ZHX3: variants seen among roughly 807,000 people sequenced by gnomAD.
ZHX3 encodes the protein zinc fingers and homeoboxes protein 3.
In ZHX3, 20 loss-of-function variants were observed where a neutral mutation model predicts 64.5. That is an observed-to-expected ratio of 0.31 (90% CI 0.22 to 0.45). The LOEUF is 0.45. Ranked by LOEUF, ZHX3 falls within the 20% of genes least tolerant of loss-of-function variation. The pLI is 1.00. For synonymous variants in ZHX3, 423 were observed against 461.6 expected, an observed-to-expected ratio of 0.92 and a Z score of 1.07; for missense variants, 1,041 against 1,195.8, an observed-to-expected ratio of 0.87 and a Z score of 1.91.
At chr20:41,285,646 C>A (rs570315675) in intron 1 of ZHX3, among the ~76,000 whole-genome samples, 5 of 152,244 alleles carry the variant, frequency 3.3e-5, no homozygotes, top group African/African-American at 1.2e-4. Flanking sequence ...GTAATCAAAA[C>A]TGGGTAGAAG....
At chr20:41,208,014 C>T (rs941611706) in intron 2 of ZHX3, among the ~76,000 whole-genome samples, 1 of 152,156 alleles carries the variant, frequency 6.6e-6, no homozygotes, top group African/African-American at 2.4e-5. Context: ...GGGGATATCA[C>T]CACCGATCCC....
rs1474200999 is a variant in ZHX3, at chr20:41,212,892, C to T, written c.-150-7826G>A. Among the ~76,000 whole-genome samples the T allele has an allele frequency of 6.6e-6, 1 of 151,890 alleles. No homozygotes were observed. The highest frequency in any genetic ancestry group is 1.9e-4 in the East Asian group (1 of 5,184). On this transcript the variant is annotated intron_variant, in intron 2 of 3. Transcript: ENST00000683867. The surrounding 1 kb of genome is among the most constrained non-coding windows in gnomAD (Gnocchi z 4.3). ...TACACAGTATAAATAAAAACATGTCCACCCCAAAATATGTACACAAATGTT... is the reference window on the plus strand; with the variant it reads ...TACACAGTATAAATAAAAACATGTCTACCCCAAAATATGTACACAAATGTT...
rs767257062 is a variant in ZHX3 at position 41,202,109 on chromosome 20, C to T, written c.2808G>A (p.Glu936=). 17 of 1,613,586 alleles carry T rather than the reference C, an allele frequency of 1.1e-5. No individual in the cohort carries two copies. Among genetic ancestry groups the T allele is most frequent in the Admixed American group, 8.3e-5 (5 of 59,970 alleles). The change falls in exon 3 of 4, where the codon GAG becomes GAA. Residue 936 remains glutamate, a synonymous_variant. Transcript: ENST00000683867. This position sits in a 1 kb window ranked among gnomAD's most constrained non-coding sequence, Gnocchi z 7.0. The part of the protein sequence containing the change: ...NSESWEPRVP[E]ASSEPFDTSS... ...ATGTGTCAAAGGGCTCTGAGCTGGC[C>T]TCAGGGACACGGGGCTCCCACGACT...
chr20:41,303,582 T>C (rs2044888098), intron 1 of ZHX3, among the ~76,000 whole-genome samples: 1 of 152,180 alleles, frequency 6.6e-6, no homozygotes, highest in African/African-American at 2.4e-5. Context: ...TTCTATAGAC[T>C]TCTCTGTATC....
At chr20:41,236,773 G>A (rs1018252546) in intron 2 of ZHX3, among the ~76,000 whole-genome samples, 7 of 152,088 alleles carry the variant, frequency 4.6e-5, no homozygotes, top group Non-Finnish European at 8.8e-5. Context: ...TGACAAATGG[G>A]ATCTAATTGA....
At chr20:41,271,316 C>G (rs1240512589) in intron 1 of ZHX3, among the ~76,000 whole-genome samples, 2 of 152,208 alleles carry the variant, frequency 1.3e-5, no homozygotes, top group Non-Finnish European at 2.9e-5. Flanking sequence ...CCATGCCCAG[C>G]CTACAAAAGT....
chr20:41,300,018 G>A (rs1370026123), intron 1 of ZHX3: 2 of 152,102 alleles, frequency 1.3e-5, no homozygotes, highest in African/African-American at 4.8e-5. Flanking sequence ...TCACCACAAT[G>A]AGTTGGGTAG....
intron 2 of ZHX3, among the ~76,000 whole-genome samples, chr20:41,256,794 C>T (rs2042276419): frequency 6.6e-6 from 1 of 151,782 alleles, no homozygotes; most frequent in Non-Finnish European, 1.5e-5. Flanking sequence ...CACCATTCTT[C>T]ATCTAAACAT....
At chr20:41,196,697 G>C (rs2037732866) in intron 3 of ZHX3, 1 of 178,288 alleles carries the variant, frequency 5.6e-6, no homozygotes, top group East Asian at 1.2e-4. Context: ...AGGTGAAGAA[G>C]GAAGCTCTTG....
chr20:41,303,343 T>C (rs1346602648), intron 1 of ZHX3, among the ~76,000 whole-genome samples: 3 of 152,256 alleles, frequency 2.0e-5, no homozygotes. Flanking sequence ...AAAAGGCAGA[T>C]TGTGGAGGTC....
chr20:41,193,791 C>G (rs2037254877), intron 3 of ZHX3, among the ~76,000 whole-genome samples: 1 of 151,292 alleles, frequency 6.6e-6, no homozygotes, highest in Admixed American at 6.6e-5. Flanking sequence ...ACTGCAAGCT[C>G]TGCCTGCCAG....
intron 1 of ZHX3, among the ~76,000 whole-genome samples, chr20:41,294,742 T>C (rs373659589): frequency 5.3e-5 from 8 of 152,300 alleles, no homozygotes; most frequent in African/African-American, 1.9e-4. Flanking sequence ...GGAGTCTTGC[T>C]CTGTTGCCTA....
intron 1 of ZHX3, among the ~76,000 whole-genome samples, chr20:41,313,083 T>C (rs920156204): frequency 2.0e-5 from 3 of 152,144 alleles, no homozygotes; most frequent in South Asian, 2.1e-4. Flanking sequence ...ATGGGTTGCA[T>C]GTGGAGTGAG....
At chr20:41,230,311 T>G (rs1176889901) in intron 2 of ZHX3, among the ~76,000 whole-genome samples, 1 of 152,088 alleles carries the variant, frequency 6.6e-6, no homozygotes, top group Admixed American at 6.5e-5. Context: ...CCGGGCAGTG[T>G]GGAGAGCAAC....
chr20:41,242,839 C>A (rs1185822892), intron 2 of ZHX3, among the ~76,000 whole-genome samples: 2 of 152,014 alleles, frequency 1.3e-5, no homozygotes, highest in Non-Finnish European at 2.9e-5. Context: ...TTTTTATAAC[C>A]CTATCCCTAA....
At chr20:41,259,980 A>G (rs1459764860) in intron 2 of ZHX3, among the ~76,000 whole-genome samples, 1 of 152,222 alleles carries the variant, frequency 6.6e-6, no homozygotes, top group Admixed American at 6.5e-5. Flanking sequence ...AACCAAACTG[A>G]TAAGAATTTT....
At chr20:41,279,913 G>T (rs2043587846) in intron 1 of ZHX3, among the ~76,000 whole-genome samples, 1 of 152,176 alleles carries the variant, frequency 6.6e-6, no homozygotes, top group African/African-American at 2.4e-5. Flanking sequence ...GTAGAAGTGA[G>T]CCCAGGACTG....
chr20:41,220,235 GT>G (rs771674998), intron 2 of ZHX3, among the ~76,000 whole-genome samples: 162 of 152,220 alleles, frequency 1.1e-3, no homozygotes, highest in Non-Finnish European at 2.1e-3. Flanking sequence ...CATAGAGGAG[GT>G]TGCTTTTGGA....
Position 41,195,478 on chromosome 20 carries a change from C to T in ZHX3, c.2860+6579G>A, listed in dbSNP as rs1276954943. Among the ~76,000 whole-genome samples, 1 of 152,104 alleles carries T rather than the reference C, an allele frequency of 6.6e-6. No individual in the cohort carries two copies. Among genetic ancestry groups the T allele is most frequent in the Non-Finnish European group, 1.5e-5 (1 of 68,010 alleles). On this transcript the variant is annotated intron_variant, in intron 3 of 3. Coordinates refer to ENST00000683867, the MANE Select transcript of ZHX3 (RefSeq NM_001384317.1). The surrounding 1 kb of genome is among the most constrained non-coding windows in gnomAD (Gnocchi z 4.2). ...TTGCCCAGGCTGGAGTGCAATGGTG[C>T]GGTCTCAGTTCACTGCAACCTCTGC...
Sources: gnomAD v4.1 joint callset for allele counts (sites outside exome capture counted in the v4.1 genomes callset) on GRCh38, gnomAD v4.1.1 for gene constraint, Gnocchi (gnomAD v3.1) non-coding constraint, MANE v1.5 for transcripts, NCBI Gene and HGNC (gene_info 2026-07-23, HGNC 2026-07-21) for gene names.